Variants in CUX1 observed in about 807,000 individuals in gnomAD.
CUX1 encodes the protein cut like homeobox 1, also known as protein CASP.
A neutral mutation model predicts 158.8 loss-of-function variants in CUX1; 31 were observed. That is an observed-to-expected ratio of 0.20 (90% CI 0.15 to 0.26). The LOEUF (loss-of-function observed/expected upper bound fraction) is 0.26. Among genes scored for constraint, CUX1 ranks in the 10% least tolerant of loss-of-function variants. The pLI, the probability that CUX1 is intolerant of heterozygous loss-of-function variation, is 1.00. For missense variants in CUX1, 1,589 were observed against 2,014.6 expected (o/e 0.79, Z 4.04); for synonymous variants, 879 against 862.1 (o/e 1.02, Z -0.34).
chr7:102,161,539 A>T (rs942072038), intron 9 of CUX1, among the ~76,000 whole-genome samples: 1 of 152,204 alleles, frequency 6.6e-6, no homozygotes, highest in Non-Finnish European at 1.5e-5. Flanking sequence ...CAGTTTCTAG[A>T]ATGAAGGAGG....
At chr7:102,049,642 C>G (rs1691991584) in intron 3 of CUX1, among the ~76,000 whole-genome samples, 1 of 151,854 alleles carries the variant, frequency 6.6e-6, no homozygotes, top group Non-Finnish European at 1.5e-5. Context: ...GAGTTTGAGT[C>G]CAGCTGGGGC....
At chr7:102,110,414 C>T (rs1004538387) in intron 6 of CUX1, among the ~76,000 whole-genome samples, 8 of 152,070 alleles carry the variant, frequency 5.3e-5, no homozygotes, top group Non-Finnish European at 1.2e-4. Context: ...TCATATTATG[C>T]TATAGCATGT....
At chr7:101,825,433 G>A (rs565849866) in intron 1 of CUX1, among the ~76,000 whole-genome samples, 19 of 152,310 alleles carry the variant, frequency 1.2e-4, no homozygotes, top group Admixed American at 8.5e-4. Context: ...AGTCACCGAT[G>A]AGCCTGGAGG....
At chr7:102,183,024 G>A (rs1435949727) in intron 11 of CUX1, among the ~76,000 whole-genome samples, 2 of 152,126 alleles carry the variant, frequency 1.3e-5, no homozygotes, top group Admixed American at 6.5e-5. Flanking sequence ...CACTCCTGAG[G>A]TTCTGATGGG....
At chr7:102,035,054 C>A in intron 3 of CUX1, among the ~76,000 whole-genome samples, 1 of 140,072 alleles carries the variant, frequency 7.1e-6, no homozygotes, top group Admixed American at 7.5e-5. Context: ...ATACATTAAT[C>A]ATCAGACCCA....
At chr7:101,842,166 C>A (rs1287442432) in intron 1 of CUX1, among the ~76,000 whole-genome samples, 1 of 152,012 alleles carries the variant, frequency 6.6e-6, no homozygotes, top group Non-Finnish European at 1.5e-5. Flanking sequence ...TCACATAATC[C>A]TGGTTCTTTG....
rs538688821 is a variant in CUX1 at position 102,004,113 on chromosome 7, A to G, written c.142-23985A>G. Among the ~76,000 whole-genome samples the G allele has an allele frequency of 7.4e-4, 113 of 152,342 alleles. 1 individual carries two copies. Among genetic ancestry groups the G allele is most frequent in the Non-Finnish European group, 1.5e-3 (103 of 68,032 alleles). On this transcript the variant is annotated intron_variant, in intron 2 of 23. Coordinates refer to ENST00000292535, the MANE Select transcript of CUX1 (RefSeq NM_181552.4). Reference sequence around the variant, plus strand: ...TGGGAAAGATTTTCCCAGTAGCACAAGGTGGACCAGGTGAGCTATCCTCAC... The same window carrying G: ...TGGGAAAGATTTTCCCAGTAGCACAGGGTGGACCAGGTGAGCTATCCTCAC...
intron 3 of CUX1, among the ~76,000 whole-genome samples, chr7:102,030,243 C>G (rs775478098): frequency 6.6e-5 from 10 of 152,254 alleles, no homozygotes; most frequent in Admixed American, 1.3e-4. Context: ...CATTCCTGAC[C>G]TCAGGTGATC....
intron 1 of CUX1, among the ~76,000 whole-genome samples, chr7:101,868,761 T>C (rs913358695): frequency 6.6e-6 from 1 of 152,074 alleles, no homozygotes; most frequent in African/African-American, 2.4e-5. Flanking sequence ...TAGGGAGTGA[T>C]GGAGAGAGGC....
chr7:102,157,960 T>C (rs1554505809), intron 8 of CUX1, among the ~76,000 whole-genome samples: 1 of 152,190 alleles, frequency 6.6e-6, no homozygotes, highest in African/African-American at 2.4e-5. Context: ...ACCCAGGCTG[T>C]CTGCACTGCA....
intron 1 of CUX1, among the ~76,000 whole-genome samples, chr7:101,872,020 C>CAAAA (rs957631886): frequency 1.4e-5 from 2 of 142,008 alleles, no homozygotes. Flanking sequence ...TCCATCCCCC[C>CAAAA]AAAAAAAAAA....
chr7:102,040,004 C>G (rs1005069917), intron 3 of CUX1, among the ~76,000 whole-genome samples: 3 of 152,180 alleles, frequency 2.0e-5, no homozygotes, highest in Non-Finnish European at 2.9e-5. Context: ...AGGACGTGCT[C>G]TCGGAGGCTG....
intron 22 of CUX1, chr7:102,282,980 C>G: frequency 6.6e-7 from 1 of 1,519,504 alleles, no homozygotes; most frequent in Non-Finnish European, 9.1e-7. Context: ...CCTTCCCCAA[C>G]ACACACACTC....
chr7:102,218,113 C>T (rs2132246471), intron 20 of CUX1, among the ~76,000 whole-genome samples: 1 of 152,336 alleles, frequency 6.6e-6, no homozygotes, highest in Middle Eastern at 3.4e-3. Context: ...CACTGCTGCA[C>T]CTCCAGACCC....
At chr7:101,984,127 TATAC>T (rs1239233400) in intron 2 of CUX1, among the ~76,000 whole-genome samples, 2,748 of 27,982 alleles carry the variant, frequency 0.098, 115 homozygotes, top group African/African-American at 0.13. Context: ...TATATATATA[TATAC>T]ACACACACAT....
intron 3 of CUX1, among the ~76,000 whole-genome samples, chr7:102,048,428 T>C (rs544054533): frequency 1.6e-4 from 25 of 152,232 alleles, no homozygotes; most frequent in African/African-American, 6.0e-4. Flanking sequence ...GGTCACTCGG[T>C]TGGAAGGCGT....
intron 1 of CUX1, among the ~76,000 whole-genome samples, chr7:101,891,761 T>C (rs901603386): frequency 6.6e-6 from 1 of 152,234 alleles, no homozygotes; most frequent in Non-Finnish European, 1.5e-5. Context: ...TTTGGGGTTG[T>C]AGGTTTCAAA....
chr7:101,874,494 A>C (rs1798905584), intron 1 of CUX1, among the ~76,000 whole-genome samples: 1 of 152,232 alleles, frequency 6.6e-6, no homozygotes, highest in South Asian at 2.1e-4. Context: ...GGACATATTT[A>C]TGGCGCATCG....
In CUX1 at chr7:102,053,432, T is replaced by A. The variant is rs1473422214; in HGVS notation, c.190-16907T>A. 2.6e-5 allele frequency among the ~76,000 whole-genome samples: 4 copies of A among 152,210 alleles called. No homozygotes were observed. The East Asian group carries it at 7.7e-4, about 29-fold the overall frequency. ...TCCATCACCTGAAGCATTTATCCTT[T>A]GTGTTACAAATAATCCGATTATACT... On this transcript the variant is annotated intron_variant, in intron 3 of 23. Coordinates refer to ENST00000292535, the MANE Select transcript of CUX1 (RefSeq NM_181552.4).
Sources: gnomAD v4.1 joint callset for allele counts (sites outside exome capture counted in the v4.1 genomes callset) on GRCh38, gnomAD v4.1.1 for gene constraint, MANE v1.5 for transcripts, NCBI Gene and HGNC (gene_info 2026-07-23, HGNC 2026-07-21) for gene names.